FAM193A: variants seen among roughly 807,000 people sequenced by gnomAD.
The protein encoded by FAM193A is family with sequence similarity 193 member A, also known as protein FAM193A.
A neutral mutation model predicts 126.5 loss-of-function variants in FAM193A; 22 were observed. That is an observed-to-expected ratio of 0.17 (90% CI 0.12 to 0.25). The LOEUF (loss-of-function observed/expected upper bound fraction) is 0.25, where lower values mean the gene tolerates loss of function less well. Ranked by LOEUF, FAM193A falls within the 10% of genes least tolerant of loss-of-function variation. The probability of loss-of-function intolerance (pLI) is 1.00; values close to 1 mark genes in which losing one functional copy is unlikely to be tolerated. For missense variants in FAM193A, 1,675 were observed against 1,672.8 expected (o/e 1.00, Z -0.02); for synonymous variants, 761 against 646.8 (o/e 1.18, Z -2.68).
intron 1 of FAM193A, among the ~76,000 whole-genome samples, chr4:2,574,717 A>G (rs1182649375): frequency 6.6e-6 from 1 of 152,130 alleles, no homozygotes; most frequent in Admixed American, 6.6e-5. Context: ...GAGCTGGGGG[A>G]GGGTAAATAA....
At chr4:2,705,777 CAG>C (rs1031094667) in intron 19 of FAM193A, among the ~76,000 whole-genome samples, 33 of 151,340 alleles carry the variant, frequency 2.2e-4, no homozygotes, top group African/African-American at 7.8e-4. Context: ...TTAGTAGAAA[CAG>C]GGTCTTGCTA....
At chr4:2,553,092 C>T (rs983607609) in intron 1 of FAM193A, among the ~76,000 whole-genome samples, 7 of 152,080 alleles carry the variant, frequency 4.6e-5, no homozygotes, top group African/African-American at 1.7e-4. Context: ...AAGTGATCCA[C>T]CGGCCTCGGT....
intron 5 of FAM193A, among the ~76,000 whole-genome samples, chr4:2,636,285 G>A (rs1480195854): frequency 2.0e-5 from 3 of 151,908 alleles, no homozygotes; most frequent in South Asian, 2.1e-4. Flanking sequence ...GGATGGTCTC[G>A]ATCTCCTGAC....
At chr4:2,659,354 G>A (rs1712110111) in intron 8 of FAM193A, among the ~76,000 whole-genome samples, 1 of 152,116 alleles carries the variant, frequency 6.6e-6, no homozygotes. Flanking sequence ...AAGCGATTAG[G>A]GTCTCCTGGT....
In FAM193A at chr4:2,575,563, T is replaced by C. The variant is rs571888880; in HGVS notation, c.256-20521T>C. 3.3e-5 allele frequency among the ~76,000 whole-genome samples: 5 copies of C among 149,512 alleles called. No individual in the cohort carries two copies. In the South Asian group the frequency reaches 1.1e-3, roughly 32 times the overall value. On this transcript the variant is annotated intron_variant, in intron 1 of 20. Transcript: ENST00000637812. ...CTCGCTGCAACCTCTGCTTCCCGGG[T>C]TCAAGTGATTCTCCTGCCTTAGCCT...
intron 1 of FAM193A, among the ~76,000 whole-genome samples, chr4:2,582,387 C>T (rs1265366878): frequency 1.3e-5 from 2 of 152,040 alleles, no homozygotes; most frequent in African/African-American, 2.4e-5. Context: ...GCAATCCTCT[C>T]ACCCCAACAA....
At chr4:2,590,496 CAAAAAA>C (rs780957903) in intron 1 of FAM193A, among the ~76,000 whole-genome samples, 14 of 45,780 alleles carry the variant, frequency 3.1e-4, no homozygotes, top group African/African-American at 2.3e-3. Flanking sequence ...CAAAAAAAAA[CAAAAAA>C]AAACAAAAAA....
At chr4:2,553,068 A>G (rs971320636) in intron 1 of FAM193A, among the ~76,000 whole-genome samples, 8 of 151,694 alleles carry the variant, frequency 5.3e-5, no homozygotes, top group African/African-American at 1.9e-4. Context: ...GGCTGTTGTC[A>G]AACTCCTGAT....
At chr4:2,634,110 C>G (rs1329287016) in intron 5 of FAM193A, among the ~76,000 whole-genome samples, 2 of 152,278 alleles carry the variant, frequency 1.3e-5, no homozygotes, top group South Asian at 2.1e-4. Context: ...AGTGACGACA[C>G]TAGTAAGGTT....
In FAM193A at chr4:2,639,862, A is replaced by AT; in HGVS notation, c.1163+7dup. 1.9e-6 allele frequency: 3 copies of AT among 1,613,390 alleles called. No homozygotes were observed. Among genetic ancestry groups the AT allele is most frequent in the Non-Finnish European group, 2.5e-6 (3 of 1,179,688 alleles). Reference sequence around the variant, plus strand: ...CCCGCACTGGTGTCACAGATCAGGTATTTTGCCTTAACCCGTATGTGTCTT... The same window carrying AT: ...CCCGCACTGGTGTCACAGATCAGGTATTTTTGCCTTAACCCGTATGTGTCTT... On this transcript the variant is annotated splice_donor_region_variant and intron_variant, in intron 6 of 20. Coordinates refer to ENST00000637812, the MANE Select transcript of FAM193A (RefSeq NM_001366318.2).
At chr4:2,623,655 A>AC (rs958796526) in intron 2 of FAM193A, among the ~76,000 whole-genome samples, 2 of 151,988 alleles carry the variant, frequency 1.3e-5, no homozygotes. Context: ...ATCTGAACAG[A>AC]CCTTGCCAAG....
intron 19 of FAM193A, among the ~76,000 whole-genome samples, chr4:2,705,151 C>T (rs931757389): frequency 1.3e-5 from 2 of 152,234 alleles, no homozygotes; most frequent in Admixed American, 1.3e-4. Flanking sequence ...ACCTCACAAT[C>T]CGCCTGTCTT....
intron 1 of FAM193A, among the ~76,000 whole-genome samples, chr4:2,574,580 T>C (rs1349911201): frequency 1.3e-5 from 2 of 152,124 alleles, no homozygotes; most frequent in African/African-American, 4.8e-5. Flanking sequence ...GAAGAGCATC[T>C]AGTGGAAAGT....
intron 1 of FAM193A, among the ~76,000 whole-genome samples, chr4:2,574,314 C>T (rs1268356360): frequency 6.6e-6 from 1 of 152,094 alleles, no homozygotes; most frequent in Non-Finnish European, 1.5e-5. Context: ...GCCGGCCTGT[C>T]TCACACCAAG....
intron 7 of FAM193A, among the ~76,000 whole-genome samples, chr4:2,655,280 C>CT (rs1711539279): frequency 6.6e-6 from 1 of 152,106 alleles, no homozygotes; most frequent in African/African-American, 2.4e-5. Flanking sequence ...TATGATTTTT[C>CT]TTATATCAAT....
chr4:2,685,550 C>T (rs1210274856), intron 13 of FAM193A, among the ~76,000 whole-genome samples: 1 of 152,178 alleles, frequency 6.6e-6, no homozygotes, highest in Non-Finnish European at 1.5e-5. Context: ...GATGGTCCTT[C>T]GCCTCTTTAC....
intron 6 of FAM193A, among the ~76,000 whole-genome samples, chr4:2,644,538 G>A (rs1250998334): frequency 6.6e-6 from 1 of 152,148 alleles, no homozygotes; most frequent in Non-Finnish European, 1.5e-5. Context: ...GTCTCCTGAG[G>A]GGCAGAAACA....
intron 2 of FAM193A, among the ~76,000 whole-genome samples, chr4:2,596,742 T>TGGAGG (rs1247638906): frequency 2.3e-3 from 132 of 58,540 alleles, no homozygotes; most frequent in African/African-American, 0.018. Flanking sequence ...TTCAGCCTCT[T>TGGAGG]CGAGGCCACA....
intron 1 of FAM193A, among the ~76,000 whole-genome samples, chr4:2,539,174 G>A (rs1337874978): frequency 6.6e-6 from 1 of 152,148 alleles, no homozygotes; most frequent in Admixed American, 6.6e-5. Flanking sequence ...TTACAGGCGT[G>A]AGCCACCGTG....
Sources: allele counts gnomAD v4.1 joint callset (sites outside exome capture counted in the v4.1 genomes callset), GRCh38; gene constraint gnomAD v4.1.1; transcripts MANE v1.5; gene names NCBI Gene and HGNC (gene_info 2026-07-23, HGNC 2026-07-21).